MAGI1: variants seen among roughly 807,000 people sequenced by gnomAD.
The protein encoded by MAGI1 is membrane-associated guanylate kinase, WW and PDZ domain-containing protein 1.
A neutral mutation model predicts 139.9 loss-of-function variants in MAGI1; 58 were observed. The ratio of observed to expected loss-of-function variants is 0.41; its 90% confidence interval spans 0.34 to 0.52. MAGI1 has a LOEUF of 0.52. MAGI1 is among the 20% of genes least tolerant of loss of function. The probability of loss-of-function intolerance (pLI) is 0.12; values close to 1 mark genes in which losing one functional copy is unlikely to be tolerated. For missense variants in MAGI1, 1,874 were observed against 1,901.6 expected (o/e 0.99, Z 0.27); for synonymous variants, 812 against 737.9 (o/e 1.10, Z -1.63).
At chr3:65,514,912 A>C (rs914361661) in intron 2 of MAGI1, among the ~76,000 whole-genome samples, 138 of 149,644 alleles carry the variant, frequency 9.2e-4, no homozygotes, top group Middle Eastern at 6.8e-3. Context: ...ACCAACCCAA[A>C]TGTCCAACAA....
intron 1 of MAGI1, among the ~76,000 whole-genome samples, chr3:65,996,352 T>C (rs4688627): frequency 0.72 from 110,228 of 152,066 alleles, 40,674 homozygotes; most frequent in East Asian, 0.95. Flanking sequence ...CACCTAACCC[T>C]AAATTAACAG....
intron 1 of MAGI1, among the ~76,000 whole-genome samples, chr3:65,950,957 AGAG>A (rs2063809007): frequency 7.4e-6 from 1 of 134,502 alleles, no homozygotes; most frequent in Non-Finnish European, 1.6e-5. Context: ...GTGAGAAGAA[AGAG>A]AAGGAAGGAA....
intron 1 of MAGI1, among the ~76,000 whole-genome samples, chr3:65,626,556 T>G (rs1039832693): frequency 2.6e-5 from 4 of 152,128 alleles, no homozygotes; most frequent in Non-Finnish European, 5.9e-5. Context: ...ACTCCTGGGT[T>G]CAAGCAATCC....
chr3:65,484,709 C>T (rs1951519660), intron 3 of MAGI1, among the ~76,000 whole-genome samples: 1 of 152,034 alleles, frequency 6.6e-6, no homozygotes, highest in South Asian at 2.1e-4. Flanking sequence ...TGCCCCCTTC[C>T]CCCATCTCAC....
chr3:65,959,335 C>G (rs1392697530), intron 1 of MAGI1, among the ~76,000 whole-genome samples: 1 of 152,066 alleles, frequency 6.6e-6, no homozygotes. Context: ...TGTCTTTATC[C>G]TCTTAGCTAT....
At chr3:65,439,826 A>C in intron 9 of MAGI1, 53 bp downstream of exon 9, 1 of 1,603,056 alleles carries the variant, frequency 6.2e-7, no homozygotes, top group Non-Finnish European at 8.5e-7. Context: ...CAGCGCTCAG[A>C]TTTCACCCCA....
At chr3:65,598,967 C>T (rs1043276055) in intron 2 of MAGI1, among the ~76,000 whole-genome samples, 6 of 152,186 alleles carry the variant, frequency 3.9e-5, no homozygotes, top group Admixed American at 3.9e-4. Flanking sequence ...AGAGTGAATG[C>T]CTCCAGACTG....
At chr3:65,498,643 A>G (rs1469377663) in intron 2 of MAGI1, among the ~76,000 whole-genome samples, 1 of 152,228 alleles carries the variant, frequency 6.6e-6, no homozygotes, top group Non-Finnish European at 1.5e-5. Flanking sequence ...CCAAGGTCAC[A>G]TAACAAGTTG....
chr3:65,725,793 C>A (rs2033539268), intron 1 of MAGI1, among the ~76,000 whole-genome samples: 1 of 152,140 alleles, frequency 6.6e-6, no homozygotes, highest in Non-Finnish European at 1.5e-5. Context: ...TGATCAAAGA[C>A]AAAAGATCTA....
chr3:65,891,897 TA>T (rs2060774432), intron 1 of MAGI1, among the ~76,000 whole-genome samples: 1 of 24,148 alleles, frequency 4.1e-5, no homozygotes, highest in Non-Finnish European at 7.7e-5. Context: ...TATATATATA[TA>T]TATATATATA....
chr3:65,479,525 A>AT (rs900216882), intron 3 of MAGI1, among the ~76,000 whole-genome samples: 1 of 152,032 alleles, frequency 6.6e-6, no homozygotes, highest in East Asian at 1.9e-4. Context: ...TTACATTTTA[A>AT]TTTTTTTATT....
chr3:65,657,433 C>A (rs199638009), intron 1 of MAGI1, among the ~76,000 whole-genome samples: 113 of 134,804 alleles, frequency 8.4e-4, no homozygotes, highest in South Asian at 4.5e-3. Flanking sequence ...CCATCTCTAT[C>A]AAAAAAAAAA....
chr3:65,472,370 G>C (rs190333485), intron 4 of MAGI1, among the ~76,000 whole-genome samples: 1 of 152,254 alleles, frequency 6.6e-6, no homozygotes, highest in African/African-American at 2.4e-5. Flanking sequence ...TGTCCTCCAG[G>C]AAACAGGTTT....
intron 17 of MAGI1, among the ~76,000 whole-genome samples, chr3:65,377,723 A>T (rs966964722): frequency 6.6e-6 from 1 of 152,242 alleles, no homozygotes; most frequent in Non-Finnish European, 1.5e-5. Flanking sequence ...CCTTGCTTTG[A>T]TGTCAGGTCA....
intron 18 of MAGI1, among the ~76,000 whole-genome samples, chr3:65,374,270 C>G (rs1333706344): frequency 6.7e-6 from 1 of 149,864 alleles, no homozygotes; most frequent in Non-Finnish European, 1.5e-5. Context: ...GGAACTAATT[C>G]TCTAAAGGAT....
chr3:65,363,705 C>T (rs1575601730), intron 20 of MAGI1, 97 bp from the exon 21 acceptor site: 1 of 891,434 alleles, frequency 1.1e-6, no homozygotes, highest in East Asian at 2.6e-5. Flanking sequence ...CTCTATCCCC[C>T]TCTTGGTGAC....
intron 1 of MAGI1, among the ~76,000 whole-genome samples, chr3:65,914,909 A>T (rs1165956669): frequency 6.6e-6 from 1 of 152,220 alleles, no homozygotes; most frequent in Non-Finnish European, 1.5e-5. Context: ...AATGAAGATA[A>T]TAGCACCCCC....
chr3:65,688,531 G>T, intron 1 of MAGI1: 1 of 425,010 alleles, frequency 2.4e-6, no homozygotes, highest in Non-Finnish European at 4.6e-6. Context: ...GGTGCTACTG[G>T]TAGGTGCTAC....
At chr3:66,026,409 C>A (rs1212695903) in intron 1 of MAGI1, among the ~76,000 whole-genome samples, 1 of 152,030 alleles carries the variant, frequency 6.6e-6, no homozygotes, top group Non-Finnish European at 1.5e-5. Flanking sequence ...ATTTAATATG[C>A]TTTAAAAATA....
Sources: gnomAD v4.1 joint callset for allele counts (sites outside exome capture counted in the v4.1 genomes callset) on GRCh38, gnomAD v4.1.1 for gene constraint, MANE v1.5 for transcripts, NCBI Gene and HGNC (gene_info 2026-07-23, HGNC 2026-07-21) for gene names.